The following PPP1R12B variants were observed in gnomAD, a reference collection of about 807,000 sequenced individuals.
PPP1R12B encodes myosin phosphatase target subunit 2.
Under a neutral mutation model 126.1 loss-of-function variants are expected in PPP1R12B, and 76 were observed. The observed-to-expected ratio is 0.60, with a 90% CI of 0.50 to 0.73. The LOEUF (loss-of-function observed/expected upper bound fraction) is 0.73, where lower values mean the gene tolerates loss of function less well. Ranked by LOEUF, PPP1R12B falls within the 30% of genes least tolerant of loss-of-function variation. PPP1R12B has a pLI of 0.00. For missense variants in PPP1R12B, 1,052 were observed against 1,205.1 expected (o/e 0.87, Z 1.88); for synonymous variants, 356 against 434.7 (o/e 0.82, Z 2.25).
At chr1:202,468,527 C>T (rs1256611507) in intron 13 of PPP1R12B, among the ~76,000 whole-genome samples, 1 of 152,186 alleles carries the variant, frequency 6.6e-6, no homozygotes, top group Admixed American at 6.5e-5. Context: ...ATTCCTGATA[C>T]TCCTCAGATT....
chr1:202,442,101 A>G (rs576007555), intron 11 of PPP1R12B, among the ~76,000 whole-genome samples: 99 of 152,144 alleles, frequency 6.5e-4, no homozygotes, highest in African/African-American at 2.1e-3. Context: ...TGCCTGCCTC[A>G]GCCTCCCAAA....
At chr1:202,462,729 G>A (rs1674474776) in intron 13 of PPP1R12B, 1 of 969,200 alleles carries the variant, frequency 1.0e-6, no homozygotes, top group Non-Finnish European at 1.2e-6. Context: ...ATTTTCCCAT[G>A]TTAGAAAAGG....
intron 18 of PPP1R12B, among the ~76,000 whole-genome samples, chr1:202,543,600 G>A (rs1187190932): frequency 6.6e-6 from 1 of 152,094 alleles, no homozygotes; most frequent in Non-Finnish European, 1.5e-5. Context: ...ACTTAGCTCG[G>A]CATGGTGGCG....
chr1:202,421,588 C>T (rs539276413), intron 2 of PPP1R12B, among the ~76,000 whole-genome samples: 4 of 150,222 alleles, frequency 2.7e-5, no homozygotes, highest in South Asian at 2.1e-4. Flanking sequence ...TGCAGTGAGC[C>T]GAGATCGCAC....
chr1:202,488,284 T>G (rs1678416757), intron 13 of PPP1R12B, among the ~76,000 whole-genome samples: 1 of 152,260 alleles, frequency 6.6e-6, no homozygotes, highest in Admixed American at 6.5e-5. Flanking sequence ...TTTCATTTAA[T>G]ATTTTCAGAC....
intron 13 of PPP1R12B, among the ~76,000 whole-genome samples, chr1:202,484,184 C>G (rs891316332): frequency 6.6e-6 from 1 of 151,878 alleles, no homozygotes; most frequent in African/African-American, 2.4e-5. Flanking sequence ...ATAGATCCTT[C>G]GTTCCTTTCT....
intron 18 of PPP1R12B, among the ~76,000 whole-genome samples, chr1:202,529,188 A>G (rs1415692981): frequency 1.3e-5 from 2 of 152,200 alleles, no homozygotes; most frequent in Non-Finnish European, 2.9e-5. Flanking sequence ...CTAATAAATG[A>G]ATAAACATTT....
At chr1:202,510,877 A>T (rs1348720402) in intron 18 of PPP1R12B, among the ~76,000 whole-genome samples, 2 of 146,978 alleles carry the variant, frequency 1.4e-5, no homozygotes, top group African/African-American at 4.9e-5. Context: ...TATATATATT[A>T]TATATTATAT....
At chr1:202,513,015 C>G (rs1681715615) in intron 18 of PPP1R12B, among the ~76,000 whole-genome samples, 2 of 152,184 alleles carry the variant, frequency 1.3e-5, no homozygotes, top group African/African-American at 4.8e-5. Flanking sequence ...ATTCCAGTGC[C>G]CAGGCTGGAG....
chr1:202,380,548 A>G (rs1010606010), intron 1 of PPP1R12B, among the ~76,000 whole-genome samples: 1 of 152,182 alleles, frequency 6.6e-6, no homozygotes, highest in African/African-American at 2.4e-5. Flanking sequence ...TTCAAGCTGT[A>G]TACCCACCTC....
chr1:202,439,637 C>A, intron 10 of PPP1R12B: 1 of 809,628 alleles, frequency 1.2e-6, no homozygotes, highest in Non-Finnish European at 2.1e-6. Flanking sequence ...CTCCCCCAGG[C>A]TCCCTGTCCA....
chr1:202,472,954 G>A (rs705736), intron 13 of PPP1R12B, among the ~76,000 whole-genome samples: 81,220 of 151,940 alleles, frequency 0.53, 22,154 homozygotes, highest in East Asian at 0.71. Context: ...GTAGGCCTGC[G>A]AAACCTGAAA....
At chr1:202,564,144 A>C (rs986629040) in intron 20 of PPP1R12B, among the ~76,000 whole-genome samples, 4 of 151,128 alleles carry the variant, frequency 2.6e-5, no homozygotes, top group African/African-American at 9.7e-5. Context: ...GACTGGTTCC[A>C]AAAAAAAATT....
intron 1 of PPP1R12B, among the ~76,000 whole-genome samples, chr1:202,368,754 A>G (rs1659720384): frequency 6.6e-6 from 1 of 151,956 alleles, no homozygotes; most frequent in Non-Finnish European, 1.5e-5. Context: ...TTATTTTGAG[A>G]TGGGGTCTTA....
chr1:202,543,609 C>T (rs1201987940), intron 18 of PPP1R12B, among the ~76,000 whole-genome samples: 1 of 152,048 alleles, frequency 6.6e-6, no homozygotes, highest in Admixed American at 6.6e-5. Context: ...GGCATGGTGG[C>T]GGGCACCTGT....
chr1:202,535,059 G>A (rs540305244), intron 18 of PPP1R12B, among the ~76,000 whole-genome samples: 1 of 150,316 alleles, frequency 6.7e-6, no homozygotes, highest in South Asian at 2.1e-4. Context: ...GTGTGTATGT[G>A]TGTGTGTGTG....
intron 18 of PPP1R12B, among the ~76,000 whole-genome samples, chr1:202,542,269 CAT>C (rs1338877631): frequency 6.6e-6 from 1 of 152,130 alleles, no homozygotes; most frequent in East Asian, 1.9e-4. Context: ...GTGTTGTGCT[CAT>C]ATGTCTTTTG....
At chr1:202,515,092 T>C (rs1204110198) in intron 18 of PPP1R12B, among the ~76,000 whole-genome samples, 1 of 152,154 alleles carries the variant, frequency 6.6e-6, no homozygotes, top group East Asian at 1.9e-4. Flanking sequence ...AGCTAAGTGA[T>C]GAGAACTTAT....
At chr1:202,541,300 G>A (rs1685107431) in intron 18 of PPP1R12B, among the ~76,000 whole-genome samples, 2 of 151,958 alleles carry the variant, frequency 1.3e-5, no homozygotes, top group Admixed American at 6.6e-5. Flanking sequence ...ACCATGTAGT[G>A]GAATTTGGTA....
Sources: allele counts gnomAD v4.1 joint callset (sites outside exome capture counted in the v4.1 genomes callset), GRCh38; gene constraint gnomAD v4.1.1; transcripts MANE v1.5; gene names NCBI Gene and HGNC (gene_info 2026-07-23, HGNC 2026-07-21).